Variants in CTNNA2 observed in about 807,000 individuals in gnomAD.
CTNNA2 encodes the protein catenin alpha-2.
Under a neutral mutation model 101.0 loss-of-function variants are expected in CTNNA2, and 42 were observed. That is an observed-to-expected ratio of 0.42 (90% CI 0.32 to 0.54). The LOEUF is 0.54. CTNNA2 is among the 20% of genes least tolerant of loss of function. The pLI is 0.14. For missense variants in CTNNA2, 871 were observed against 1,223.1 expected (o/e 0.71, Z 4.29); for synonymous variants, 450 against 456.4 (o/e 0.99, Z 0.18).
intron 1 of CTNNA2, among the ~76,000 whole-genome samples, chr2:79,534,902 G>GAAA (rs538462997): frequency 1.5e-5 from 2 of 137,092 alleles, no homozygotes; most frequent in African/African-American, 2.7e-5. Flanking sequence ...TAAGAAGGGT[G>GAAA]AAAAAAAAAA....
intron 7 of CTNNA2, among the ~76,000 whole-genome samples, chr2:80,172,031 G>A (rs191619608): frequency 6.6e-6 from 1 of 152,242 alleles, no homozygotes; most frequent in East Asian, 1.9e-4. Context: ...ATGTAAAGCA[G>A]CAAGGGAGAA....
At chr2:79,549,012 G>A (rs1673916129) in intron 1 of CTNNA2, among the ~76,000 whole-genome samples, 1 of 152,104 alleles carries the variant, frequency 6.6e-6, no homozygotes. Context: ...GTCCGTTGCC[G>A]CTTAATGGTT....
intron 2 of CTNNA2, among the ~76,000 whole-genome samples, chr2:79,215,235 G>T (rs1203899350): frequency 6.6e-6 from 1 of 152,158 alleles, no homozygotes; most frequent in Non-Finnish European, 1.5e-5. Context: ...ATCTTGGGCT[G>T]TGGGCATTCC....
chr2:80,397,494 G>C (rs1678122485), intron 8 of CTNNA2, among the ~76,000 whole-genome samples: 1 of 152,080 alleles, frequency 6.6e-6, no homozygotes, highest in Non-Finnish European at 1.5e-5. Context: ...ATGAATCATG[G>C]GGGCAGGTCT....
intron 6 of CTNNA2, among the ~76,000 whole-genome samples, chr2:79,877,035 T>C (rs1039645164): frequency 6.6e-6 from 1 of 151,644 alleles, no homozygotes; most frequent in African/African-American, 2.4e-5. Flanking sequence ...CTATATTAAC[T>C]AATTATATTA....
At chr2:80,387,921 G>A (rs754566478) in intron 7 of CTNNA2, among the ~76,000 whole-genome samples, 4 of 152,140 alleles carry the variant, frequency 2.6e-5, no homozygotes, top group East Asian at 1.9e-4. Flanking sequence ...GAGTAGTCCC[G>A]CCTGGCTTCG....
At chr2:79,439,712 A>T (rs534867916) in intron 4 of CTNNA2, among the ~76,000 whole-genome samples, 1 of 152,292 alleles carries the variant, frequency 6.6e-6, no homozygotes, top group African/African-American at 2.4e-5. Flanking sequence ...CTAGAACAAG[A>T]GTTCTTCCAG....
At chr2:79,664,521 AACAAAT>A (rs1682257964) in intron 2 of CTNNA2, among the ~76,000 whole-genome samples, 1 of 152,154 alleles carries the variant, frequency 6.6e-6, no homozygotes, top group East Asian at 1.9e-4. Flanking sequence ...TTCCAGATTT[AACAAAT>A]ACAAATTCAA....
chr2:79,997,871 C>T (rs1244267837), intron 7 of CTNNA2, among the ~76,000 whole-genome samples: 1 of 152,166 alleles, frequency 6.6e-6, no homozygotes, highest in African/African-American at 2.4e-5. Flanking sequence ...AAGTTAGCCA[C>T]CTGCCTGGTA....
Position 80,375,606 on chromosome 2 carries a change from C to T in CTNNA2, c.1057-17605C>T, listed in dbSNP as rs1675875691. On this transcript the variant is annotated intron_variant, in intron 7 of 18. Transcript: ENST00000402739. The stretch of plus-strand genomic sequence containing the variant: ...TTGAGATGGAGTCTCACTCTGTTGC[C>T]CAGGCTGGAGTGCAGTGGCGTGATC... 2.3e-5 allele frequency among the ~76,000 whole-genome samples: 3 copies of T among 130,682 alleles called. No individual in the cohort carries two copies. In the South Asian group the frequency reaches 7.3e-4, roughly 32 times the overall value. 85.7% of individuals were successfully genotyped at this position (130,682 alleles called of 152,430 possible).
rs749071934 is a variant in CTNNA2 at position 80,322,282 on chromosome 2, A to G, written c.1057-70929A>G. On this transcript the variant is annotated intron_variant, in intron 7 of 18. Transcript: ENST00000402739. ...AATGCCCAGTGATTAAAACTAGGTA[A>G]TACAGTGTCTTCCCTAAGCCCCTCA... 1.0e-3 allele frequency among the ~76,000 whole-genome samples: 153 copies of G among 152,264 alleles called. 2 individuals carry two copies. The highest frequency in any genetic ancestry group is 1.5e-3 in the Non-Finnish European group (104 of 68,024).
At chr2:80,594,434 T>A (rs1282173462) in intron 15 of CTNNA2, among the ~76,000 whole-genome samples, 14 of 152,096 alleles carry the variant, frequency 9.2e-5, no homozygotes, top group Admixed American at 9.2e-4. Flanking sequence ...AAAGAATTAC[T>A]ATTTTCTCTC....
chr2:80,290,915 C>T (rs1032470237), intron 7 of CTNNA2, among the ~76,000 whole-genome samples: 15 of 152,166 alleles, frequency 9.9e-5, no homozygotes, highest in Admixed American at 1.3e-4. Context: ...ACTAAACTGA[C>T]GATGTCCTCA....
intron 7 of CTNNA2, among the ~76,000 whole-genome samples, chr2:80,215,812 T>C (rs1708229764): frequency 6.6e-6 from 1 of 152,224 alleles, no homozygotes; most frequent in Non-Finnish European, 1.5e-5. Context: ...CATTTAAGTC[T>C]GCAGAAGTTT....
intron 15 of CTNNA2, 132 bp from the exon 16 acceptor site, chr2:80,603,942 T>C: frequency 1.6e-6 from 1 of 608,116 alleles, no homozygotes; most frequent in Non-Finnish European, 2.8e-6. Context: ...AGCAGGAAAA[T>C]ATTCAAAATT....
chr2:80,475,612 G>A lies in CTNNA2; in HGVS notation c.1290+56011G>A, dbSNP rs189262890. 1.4e-4 allele frequency among the ~76,000 whole-genome samples: 22 copies of A among 152,174 alleles called. No individual in the cohort carries two copies. In the East Asian group the frequency reaches 2.5e-3, roughly 17 times the overall value. ...CATGTGAAGTGGAGGTGGGAGATTA[G>A]GTGTTTTGGGACTTATTTCAGGGTC... On this transcript the variant is annotated intron_variant, in intron 9 of 18. Coordinates refer to ENST00000402739, the MANE Select transcript of CTNNA2 (RefSeq NM_001282597.3).
chr2:79,938,055 T>G (rs1687906766), intron 7 of CTNNA2, among the ~76,000 whole-genome samples: 2 of 152,182 alleles, frequency 1.3e-5, no homozygotes, highest in African/African-American at 4.8e-5. Context: ...ATTTTAACTG[T>G]TAAATTAGAA....
chr2:79,317,471 T>G (rs558623872), intron 3 of CTNNA2, among the ~76,000 whole-genome samples: 1 of 152,160 alleles, frequency 6.6e-6, no homozygotes. Flanking sequence ...TCAGCCAGAA[T>G]ATAAGCTCAT....
chr2:80,096,218 G>T (rs1425978399), intron 7 of CTNNA2, among the ~76,000 whole-genome samples: 1 of 152,116 alleles, frequency 6.6e-6, no homozygotes, highest in African/African-American at 2.4e-5. Context: ...TGTTCTCATT[G>T]GTTTCAAAGA....
Sources: gnomAD v4.1 joint callset for allele counts (sites outside exome capture counted in the v4.1 genomes callset) on GRCh38, gnomAD v4.1.1 for gene constraint, MANE v1.5 for transcripts, NCBI Gene and HGNC (gene_info 2026-07-23, HGNC 2026-07-21) for gene names.